The following PACC1 variants were observed in gnomAD, a reference collection of about 807,000 sequenced individuals.
PACC1 encodes proton activated chloride channel 1.
A neutral mutation model predicts 39.7 loss-of-function variants in PACC1; 34 were observed. The observed-to-expected ratio is 0.86, with a 90% confidence interval of 0.65 to 1.14. PACC1 has a LOEUF of 1.14. Among genes scored for constraint, PACC1 ranks in the 50% most tolerant of loss-of-function variants. The probability of loss-of-function intolerance (pLI) is 0.00; values close to 1 mark genes in which losing one functional copy is unlikely to be tolerated. For synonymous variants in PACC1, 127 were observed against 160.6 expected, an observed-to-expected ratio of 0.79 and a Z score of 1.58; for missense variants, 379 against 436.4, an observed-to-expected ratio of 0.87 and a Z score of 1.17.
chr1:212,403,243 C>T (rs1372428116), intron 2 of PACC1, among the ~76,000 whole-genome samples: 1 of 152,188 alleles, frequency 6.6e-6, no homozygotes, highest in Non-Finnish European at 1.5e-5. Context: ...GAGAATAAAA[C>T]TGATTTACAA....
intron 6 of PACC1, among the ~76,000 whole-genome samples, chr1:212,376,557 TAAGA>T (rs1660673755): frequency 6.6e-6 from 1 of 152,174 alleles, no homozygotes; most frequent in Admixed American, 6.5e-5. Flanking sequence ...TGGGGCCAGA[TAAGA>T]AAGGACTTGA....
chr1:212,393,515 C>T (rs1661403845), intron 2 of PACC1, among the ~76,000 whole-genome samples: 1 of 152,236 alleles, frequency 6.6e-6, no homozygotes, highest in African/African-American at 2.4e-5. Flanking sequence ...ACTGACATCA[C>T]AATTAAAAGA....
chr1:212,369,126 G>A (rs1660352652), intron 7 of PACC1, among the ~76,000 whole-genome samples: 2 of 151,650 alleles, frequency 1.3e-5, no homozygotes, highest in African/African-American at 4.8e-5. Context: ...AAAGTTTTTT[G>A]TTTCTTTGTG....
chr1:212,409,381 G>A (rs575203791), intron 2 of PACC1, among the ~76,000 whole-genome samples: 4 of 152,270 alleles, frequency 2.6e-5, no homozygotes, highest in African/African-American at 9.6e-5. Context: ...GCTGAAGAAT[G>A]ATTAGGCATT....
chr1:212,373,188 T>G lies in PACC1; in HGVS notation c.891+2005A>C, dbSNP rs559833818. ...GACCAATGGAACAGAACAGAGAATCTAGAAATAAATCCATGTATATGCAAC... is the reference window on the plus strand; with the variant it reads ...GACCAATGGAACAGAACAGAGAATCGAGAAATAAATCCATGTATATGCAAC... On this transcript the variant is annotated intron_variant, in intron 7 of 7. Transcript: ENST00000261455. Among the ~76,000 whole-genome samples the G allele has an allele frequency of 3.3e-5, 5 of 152,120 alleles. No individual in the cohort carries two copies. In the South Asian group the frequency reaches 1.0e-3, roughly 32 times the overall value.
Position 212,414,854 on chromosome 1 carries a change from G to T in PACC1, c.-97C>A. On this transcript the variant is annotated 5_prime_UTR_variant, in exon 1 of 8. Transcript: ENST00000261455. The stretch of plus-strand genomic sequence containing the variant: ...CTGCACCTGGACCTACCGGCTCCGC[G>T]AGGCGAAACCGGTCCGGAGGGGCGT... 6.5e-7 allele frequency: 1 copy of T among 1,533,240 alleles called. No individual in the cohort carries two copies. Among genetic ancestry groups the T allele is most frequent in the South Asian group, 1.1e-5 (1 of 87,486 alleles). The allele number at this position is 1,533,240 out of a possible 1,614,324, so 95.0% of individuals were successfully genotyped here.
intron 6 of PACC1, among the ~76,000 whole-genome samples, chr1:212,376,339 T>A (rs1660665358): frequency 6.6e-6 from 1 of 152,200 alleles, no homozygotes; most frequent in African/African-American, 2.4e-5. Flanking sequence ...CATTTTTTAG[T>A]TTTGTTCAAA....
chr1:212,383,975 C>T (rs375642995), intron 4 of PACC1, among the ~76,000 whole-genome samples: 10 of 152,280 alleles, frequency 6.6e-5, no homozygotes, highest in African/African-American at 2.4e-4. Context: ...CTGGCCCAGC[C>T]AACAGGCAGT....
chr1:212,373,709 C>T (rs1387968254), intron 7 of PACC1, among the ~76,000 whole-genome samples: 1 of 152,052 alleles, frequency 6.6e-6, no homozygotes, highest in African/African-American at 2.4e-5. Flanking sequence ...AGAGATTTAT[C>T]CCAAAAGATG....
At chr1:212,397,779 T>A (rs1661577037) in intron 2 of PACC1, among the ~76,000 whole-genome samples, 1 of 151,918 alleles carries the variant, frequency 6.6e-6, no homozygotes. Flanking sequence ...GTGGAGGGGG[T>A]CATGTTAGTT....
chr1:212,392,771 G>T (rs1211479396), intron 2 of PACC1, among the ~76,000 whole-genome samples: 1 of 151,604 alleles, frequency 6.6e-6, no homozygotes. Context: ...ACAAAAAAAG[G>T]CAGGGGTTGC....
intron 2 of PACC1, among the ~76,000 whole-genome samples, chr1:212,397,304 T>C (rs1661563966): frequency 6.6e-6 from 1 of 151,808 alleles, no homozygotes. Context: ...AACAGCAAAA[T>C]GGTAGAGCCA....
Position 212,414,849 on chromosome 1 carries a change from T to C in PACC1, c.-92A>G. The C allele has an allele frequency of 6.4e-7, 1 of 1,552,414 alleles. No individual in the cohort carries two copies. ...GGCCGCTGCACCTGGACCTACCGGC[T>C]CCGCGAGGCGAAACCGGTCCGGAGG... On this transcript the variant is annotated 5_prime_UTR_variant, in exon 1 of 8. Transcript: ENST00000261455.
intron 2 of PACC1, among the ~76,000 whole-genome samples, chr1:212,404,721 C>G (rs529825625): frequency 1.4e-5 from 2 of 147,626 alleles, no homozygotes; most frequent in Non-Finnish European, 3.0e-5. Flanking sequence ...TTTTTTTTTC[C>G]AAGTAGCTGG....
intron 1 of PACC1, among the ~76,000 whole-genome samples, chr1:212,414,281 G>T (rs1047041180): frequency 1.5e-4 from 23 of 152,328 alleles, no homozygotes; most frequent in African/African-American, 5.3e-4. Context: ...GGCTTGGAGG[G>T]GGAGGATGCC....
At chr1:212,375,156 A>C (rs767681867) in intron 7 of PACC1, 37 bp downstream of exon 7, 1 of 1,452,212 alleles carries the variant, frequency 6.9e-7, no homozygotes, top group Non-Finnish European at 9.6e-7. Flanking sequence ...ATACTATCAT[A>C]ATCTTAAATA....
At chr1:212,410,619 G>T (rs972475433) in intron 1 of PACC1, 98 bp from the exon 2 acceptor site, 2 of 1,115,454 alleles carry the variant, frequency 1.8e-6, no homozygotes, top group African/African-American at 1.5e-5. Flanking sequence ...TCACTTAATT[G>T]TCACCAAAAA....
At chr1:212,388,658 G>A (rs1361549549) in intron 2 of PACC1, among the ~76,000 whole-genome samples, 2 of 152,236 alleles carry the variant, frequency 1.3e-5, no homozygotes, top group Non-Finnish European at 1.5e-5. Flanking sequence ...GCAAGCCAAG[G>A]AGAAAGGCCT....
At chr1:212,389,666 A>G (rs1172014381) in intron 2 of PACC1, among the ~76,000 whole-genome samples, 1 of 152,214 alleles carries the variant, frequency 6.6e-6, no homozygotes, top group Non-Finnish European at 1.5e-5. Flanking sequence ...TATCTGAATA[A>G]GGAATAAAGA....
Sources: allele counts gnomAD v4.1 joint callset (sites outside exome capture counted in the v4.1 genomes callset), GRCh38; gene constraint gnomAD v4.1.1; transcripts MANE v1.5; gene names NCBI Gene and HGNC (gene_info 2026-07-23, HGNC 2026-07-21).